The following STAB2 variants were observed in gnomAD, a reference collection of about 807,000 sequenced individuals.
The protein encoded by STAB2 is stabilin 2, also known as stabilin-2.
In STAB2, 288 loss-of-function variants were observed where a neutral mutation model predicts 338.1. That is an observed-to-expected ratio of 0.85 (90% CI 0.77 to 0.94). The LOEUF (loss-of-function observed/expected upper bound fraction) is 0.94. STAB2 is among the 40% of genes least tolerant of loss of function. The pLI is 0.00. For synonymous variants in STAB2, 1,202 were observed against 1,193.3 expected, an observed-to-expected ratio of 1.01 and a Z score of -0.15; for missense variants, 3,141 against 3,210.1, an observed-to-expected ratio of 0.98 and a Z score of 0.52.
chr12:103,686,127 C>T (rs893953691), intron 27 of STAB2, among the ~76,000 whole-genome samples: 4 of 152,292 alleles, frequency 2.6e-5, no homozygotes, highest in South Asian at 2.1e-4. Flanking sequence ...CAAATTTCCT[C>T]ATCACTTACT....
intron 6 of STAB2, among the ~76,000 whole-genome samples, chr12:103,632,918 T>G (rs937357708): frequency 5.9e-5 from 9 of 152,206 alleles, no homozygotes; most frequent in African/African-American, 2.2e-4. Flanking sequence ...GGGACTTTAG[T>G]CTCCTGTAAA....
At chr12:103,588,330 G>C (rs1956743595) in intron 1 of STAB2, among the ~76,000 whole-genome samples, 3 of 152,226 alleles carry the variant, frequency 2.0e-5, no homozygotes, top group African/African-American at 7.2e-5. Flanking sequence ...TGGTAGGGGT[G>C]AGTTTGAACT....
intron 16 of STAB2, 129 bp from the exon 17 acceptor site, chr12:103,660,554 A>C (rs1162001604): frequency 1.1e-5 from 14 of 1,300,492 alleles, no homozygotes; most frequent in South Asian, 1.2e-5. Context: ...AGCCACAAAA[A>C]CTCTTGAGAT....
chr12:103,614,246 G>T lies in STAB2; in HGVS notation c.332-6222G>T, dbSNP rs116208830. On this transcript the variant is annotated intron_variant, in intron 3 of 68. Transcript: ENST00000388887. Reference sequence around the variant, plus strand: ...GAACTTTTTTCTGTGTCCATTTTGAGGTGTACCCTGTGTTAGAGATTTGTT... The same window carrying T: ...GAACTTTTTTCTGTGTCCATTTTGATGTGTACCCTGTGTTAGAGATTTGTT... Among the ~76,000 whole-genome samples, 330 of 152,248 alleles carry T rather than the reference G, an allele frequency of 2.2e-3. 2 individuals carry two copies. Among genetic ancestry groups the T allele is most frequent in the African/African-American group, 7.5e-3 (311 of 41,526 alleles).
At chr12:103,688,739 C>G (rs891939788) in intron 28 of STAB2, among the ~76,000 whole-genome samples, 1 of 152,146 alleles carries the variant, frequency 6.6e-6, no homozygotes. Context: ...CCTCTCTGAA[C>G]CCCCCATCCC....
chr12:103,678,605 C>A (rs1876607746), intron 25 of STAB2, among the ~76,000 whole-genome samples: 1 of 152,198 alleles, frequency 6.6e-6, no homozygotes, highest in Non-Finnish European at 1.5e-5. Context: ...CGGCTCACTG[C>A]AAGCTCTGCC....
chr12:103,659,976 T>C (rs981654962), intron 15 of STAB2, among the ~76,000 whole-genome samples: 8 of 152,230 alleles, frequency 5.3e-5, no homozygotes, highest in Admixed American at 4.6e-4. Context: ...GCAGAGTAAC[T>C]GAGAGCCTGG....
In STAB2 at chr12:103,749,148, A is replaced by G. The variant is rs1011432341; in HGVS notation, c.6430A>G (p.Thr2144Ala). The change falls in exon 59 of 69, where the codon ACA becomes GCA. Residue 2144 changes from threonine (T) to alanine (A), a missense_variant. Transcript: ENST00000388887. ...TCACGAGCACGCCACCTGTAAGATG[A>G]CAGGCCCGGTGAGTCGCTCTTTCCC... is the stretch of plus-strand genomic sequence containing the variant. ...GCHEHATCKM[T>A]GPGKHKCECK... The G allele has an allele frequency of 6.2e-7, 1 of 1,600,714 alleles. No individual in the cohort carries two copies. The highest frequency in any genetic ancestry group is 8.5e-7 in the Non-Finnish European group (1 of 1,169,844).
At position 103,762,310 on chromosome 12, in the gene STAB2, T is replaced by C; in HGVS notation, c.7396T>C (p.Phe2466Leu). The C allele has an allele frequency of 6.2e-7, 1 of 1,614,248 alleles. No individual in the cohort carries two copies. Among genetic ancestry groups the C allele is most frequent in the Non-Finnish European group, 8.5e-7 (1 of 1,180,046 alleles). The change falls in exon 67 of 69, where the codon TTT becomes CTT. Residue 2466 changes from phenylalanine to leucine, a missense_variant. Phe to Leu is a conservative substitution (Grantham distance 22, BLOSUM62 0). Coordinates refer to ENST00000388887, the MANE Select transcript of STAB2 (RefSeq NM_017564.10). The stretch of plus-strand genomic sequence containing the variant: ...CACTGGCTTGGGAGCAGGGATCTTC[T>C]TTGCCATCATCCTGGTGACTGGGGC... ...THTGLGAGIF[F>L]AIILVTGAVA...
Position 103,725,029 on chromosome 12 carries a change from A to G in STAB2, c.4738A>G (p.Arg1580Gly), listed in dbSNP as rs1365235621. Residue 1580 changes from arginine (R) to glycine (G), a missense_variant, in exon 45 of 69, where the codon AGG (arginine) becomes GGG (glycine). Coordinates refer to ENST00000388887, the MANE Select transcript of STAB2 (RefSeq NM_017564.10). ...AICNHTGQVE[R>G]TCTCKPNYIG... is the part of the protein sequence containing the mutation. ...CTGCAACCACACTGGGCAAGTAGAA[A>G]GGACTTGTACTTGCAAGCCAAACTA... The G allele has an allele frequency of 1.9e-6, 3 of 1,614,124 alleles. No homozygotes were observed. Among genetic ancestry groups the G allele is most frequent in the South Asian group, 1.1e-5 (1 of 91,080 alleles).
chr12:103,630,897 CCACT>C (rs1264235766), intron 5 of STAB2, among the ~76,000 whole-genome samples: 1 of 152,184 alleles, frequency 6.6e-6, no homozygotes, highest in Non-Finnish European at 1.5e-5. Flanking sequence ...TTGTTTTAAG[CCACT>C]AAGTTTGTGG....
chr12:103,645,111 A>G (rs1047820093), intron 9 of STAB2, among the ~76,000 whole-genome samples: 12 of 152,356 alleles, frequency 7.9e-5, no homozygotes, highest in African/African-American at 2.6e-4. Flanking sequence ...CTAAATCTCA[A>G]CCAGCATTAA....
At position 103,748,993 on chromosome 12, in the gene STAB2, G is replaced by A; in HGVS notation, c.6275G>A (p.Gly2092Asp). 10 of 1,614,020 alleles carry A rather than the reference G, an allele frequency of 6.2e-6. No homozygotes were observed. The highest frequency in any genetic ancestry group is 8.5e-6 in the Non-Finnish European group (10 of 1,179,988). Reference protein sequence around the residue: ...VVDFCKQDNGGCAKVARCSQK... With the variant: ...VVDFCKQDNGDCAKVARCSQK... ...GATTTCTGCAAACAGGACAACGGGG[G>A]CTGTGCAAAGGTGGCCAGATGCTCC... Residue 2092 changes from glycine (G) to aspartate (D), a missense_variant, in exon 59 of 69, where the codon GGC (glycine) becomes GAC (aspartate). By Grantham distance (94) the Gly-to-Asp change is moderately conservative. Transcript: ENST00000388887.
chr12:103,630,979 A>G (rs1172522503), intron 5 of STAB2, among the ~76,000 whole-genome samples: 1 of 152,238 alleles, frequency 6.6e-6, no homozygotes, highest in African/African-American at 2.4e-5. Context: ...TAGGATGACA[A>G]TGGCCTAGCC....
intron 3 of STAB2, among the ~76,000 whole-genome samples, chr12:103,608,288 G>T (rs1462123696): frequency 2.6e-5 from 4 of 152,104 alleles, no homozygotes; most frequent in African/African-American, 9.7e-5. Context: ...ACAGGTGCCT[G>T]CCTCCAAGCC....
chr12:103,667,292 A>G (rs1370470252), intron 19 of STAB2, among the ~76,000 whole-genome samples: 1 of 152,182 alleles, frequency 6.6e-6, no homozygotes, highest in Non-Finnish European at 1.5e-5. Flanking sequence ...TGTGAGAGGG[A>G]GGAGAAGAGG....
In STAB2 at chr12:103,601,276, A is replaced by C. The variant is rs542351861; in HGVS notation, c.331+6766A>C. ...AAAGCAAGGGCAGCACAAAAGAGGA[A>C]AAAAAAAAGGGGGAGTCAAGAAACC... is the stretch of plus-strand genomic sequence containing the variant. On this transcript the variant is annotated intron_variant, in intron 3 of 68. Coordinates refer to ENST00000388887, the MANE Select transcript of STAB2 (RefSeq NM_017564.10). Among the ~76,000 whole-genome samples, 312 of 151,398 alleles carry C rather than the reference A, an allele frequency of 2.1e-3. 1 individual carries two copies. Among genetic ancestry groups the C allele is most frequent in the Admixed American group, 6.1e-3 (93 of 15,202 alleles).
intron 34 of STAB2, among the ~76,000 whole-genome samples, chr12:103,701,169 C>T (rs896815514): frequency 2.0e-5 from 3 of 151,368 alleles, no homozygotes; most frequent in Non-Finnish European, 2.9e-5. Flanking sequence ...CATGTCCCTA[C>T]AAAGGACATG....
At position 103,637,167 on chromosome 12, in the gene STAB2, A is replaced by C; in HGVS notation, c.640A>C (p.Thr214Pro). ...CPENSRCSPS[T>P]EDENKLECKC... ...AGAAAATTCCAGATGTTCGCCTTCC[A>C]CTGAAGATGAAAACAAACTGGAATG... Residue 214 changes from threonine to proline, a missense_variant, in exon 7 of 69, where the codon ACT becomes CCT. Transcript: ENST00000388887. 6.2e-7 allele frequency: 1 copy of C among 1,613,008 alleles called. No individual in the cohort carries two copies. The highest frequency in any genetic ancestry group is 1.1e-5 in the South Asian group (1 of 90,792).
Sources: gnomAD v4.1 joint callset for allele counts (sites outside exome capture counted in the v4.1 genomes callset) on GRCh38, gnomAD v4.1.1 for gene constraint, MANE v1.5 for transcripts, NCBI Gene and HGNC (gene_info 2026-07-23, HGNC 2026-07-21) for gene names.